The following SIPA1L2 variants were observed in gnomAD, a reference collection of about 807,000 sequenced individuals.
The protein encoded by SIPA1L2 is signal-induced proliferation-associated 1-like protein 2.
SIPA1L2 carries 56 observed loss-of-function variants against 163.9 expected under a neutral mutation model. The observed-to-expected ratio is 0.34, with a 90% confidence interval of 0.28 to 0.43. The LOEUF (loss-of-function observed/expected upper bound fraction) is 0.43, where lower values mean the gene tolerates loss of function less well. SIPA1L2 is among the 20% of genes least tolerant of loss of function. SIPA1L2 has a pLI of 1.00. For missense variants in SIPA1L2, 1,974 were observed against 2,193.5 expected (o/e 0.90, Z 2.00); for synonymous variants, 877 against 865.7 (o/e 1.01, Z -0.23).
intron 7 of SIPA1L2, among the ~76,000 whole-genome samples, chr1:232,477,666 T>C (rs1450514417): frequency 6.6e-6 from 1 of 152,228 alleles, no homozygotes; most frequent in Non-Finnish European, 1.5e-5. Flanking sequence ...TTTGCTGTCC[T>C]GATTTTTGCG....
chr1:232,424,632 A>G (rs1661780776), intron 18 of SIPA1L2, among the ~76,000 whole-genome samples: 1 of 152,192 alleles, frequency 6.6e-6, no homozygotes, highest in African/African-American at 2.4e-5. Flanking sequence ...TCTTCAATTT[A>G]GGTAAATGGA....
At chr1:232,400,897 C>T (rs777762128) in intron 22 of SIPA1L2, among the ~76,000 whole-genome samples, 4 of 152,120 alleles carry the variant, frequency 2.6e-5, no homozygotes, top group Non-Finnish European at 5.9e-5. Flanking sequence ...ACTTCTTGAC[C>T]ACCACCTCCA....
intron 3 of SIPA1L2, among the ~76,000 whole-genome samples, chr1:232,499,987 T>C (rs1205020054): frequency 1.3e-5 from 2 of 152,218 alleles, no homozygotes; most frequent in East Asian, 3.9e-4. Context: ...ACTGACTTTT[T>C]TTTTTTTTGA....
intron 2 of SIPA1L2, among the ~76,000 whole-genome samples, chr1:232,535,200 C>A (rs1657226075): frequency 6.6e-6 from 1 of 152,136 alleles, no homozygotes; most frequent in Admixed American, 6.5e-5. Flanking sequence ...GGTTCCCAGT[C>A]TGCCAGAGAA....
At chr1:232,618,260 G>A (rs750507846) in intron 1 of SIPA1L2, among the ~76,000 whole-genome samples, 8 of 152,216 alleles carry the variant, frequency 5.3e-5, no homozygotes, top group Non-Finnish European at 5.9e-5. Flanking sequence ...GGGAGCATCA[G>A]CAGCAAACGA....
Position 232,471,558 on chromosome 1 carries a change from T to C in SIPA1L2, c.2086-30A>G, listed in dbSNP as rs969622045. On this transcript the variant is annotated intron_variant, in intron 7 of 22. Coordinates refer to ENST00000674635, the MANE Select transcript of SIPA1L2 (RefSeq NM_020808.5). Reference sequence around the variant, plus strand: ...GGTCAAGAAAGTGAAGAGTTACAAATAAGTTTTTCTTTAAAACAAAATATA... The same window carrying C: ...GGTCAAGAAAGTGAAGAGTTACAAACAAGTTTTTCTTTAAAACAAAATATA... 3 of 1,562,076 alleles carry C rather than the reference T, an allele frequency of 1.9e-6. No homozygotes were observed. In the African/African-American group the frequency reaches 4.2e-5, roughly 22 times the overall value.
At chr1:232,589,465 T>G (rs1182374551) in intron 1 of SIPA1L2, among the ~76,000 whole-genome samples, 1 of 152,250 alleles carries the variant, frequency 6.6e-6, no homozygotes, top group African/African-American at 2.4e-5. Context: ...TTCTGCCAAT[T>G]AATTACCATA....
At position 232,466,905 on chromosome 1, in the gene SIPA1L2, G is replaced by A. The variant is rs114077372; in HGVS notation, c.2244-1489C>T. Among the ~76,000 whole-genome samples, 118 of 152,344 alleles carry A rather than the reference G, an allele frequency of 7.7e-4. 1 individual carries two copies. Among genetic ancestry groups the A allele is most frequent in the Admixed American group, 2.5e-3 (39 of 15,308 alleles). Reference sequence around the variant, plus strand: ...TTGAGAGCACCCCAATTACTGAGTAGCTACCACAGACCAAGAATCTGTATT... The same window carrying A: ...TTGAGAGCACCCCAATTACTGAGTAACTACCACAGACCAAGAATCTGTATT... On this transcript the variant is annotated intron_variant, in intron 8 of 22. Transcript: ENST00000674635.
intron 2 of SIPA1L2, among the ~76,000 whole-genome samples, chr1:232,517,271 T>C (rs1032298758): frequency 1.3e-5 from 2 of 152,196 alleles, no homozygotes; most frequent in Non-Finnish European, 2.9e-5. Context: ...CCTACCTTCC[T>C]TTCTTTTCCG....
chr1:232,507,189 T>TC (rs397983221), intron 3 of SIPA1L2, among the ~76,000 whole-genome samples: 8 of 151,832 alleles, frequency 5.3e-5, no homozygotes, highest in South Asian at 2.1e-4. Flanking sequence ...TTTTTTTTTT[T>TC]CTCCGACTTT....
At chr1:232,615,280 C>G (rs1292862213) in intron 1 of SIPA1L2, among the ~76,000 whole-genome samples, 1 of 152,218 alleles carries the variant, frequency 6.6e-6, no homozygotes, top group Non-Finnish European at 1.5e-5. Flanking sequence ...AAAGTGGCCA[C>G]TAAAATCGAT....
chr1:232,438,730 T>G (rs1288374346), intron 15 of SIPA1L2, among the ~76,000 whole-genome samples: 5 of 152,256 alleles, frequency 3.3e-5, no homozygotes, highest in African/African-American at 1.2e-4. Flanking sequence ...TCTACGCACA[T>G]GCTGCCTTCA....
At chr1:232,625,239 G>A (rs976326633) in intron 1 of SIPA1L2, among the ~76,000 whole-genome samples, 7 of 152,246 alleles carry the variant, frequency 4.6e-5, no homozygotes, top group Middle Eastern at 3.4e-3. Context: ...TGTAAGCCTC[G>A]AGGGAAGCTT....
chr1:232,445,174 T>G (rs1357619031), intron 11 of SIPA1L2, among the ~76,000 whole-genome samples: 1 of 152,254 alleles, frequency 6.6e-6, no homozygotes, highest in Non-Finnish European at 1.5e-5. Flanking sequence ...TTGTTCAGTT[T>G]TATTTATGCT....
At chr1:232,469,369 G>T (rs138172000) in intron 8 of SIPA1L2, among the ~76,000 whole-genome samples, 15 of 152,306 alleles carry the variant, frequency 9.8e-5, no homozygotes, top group African/African-American at 3.4e-4. Context: ...AGTATCACAT[G>T]AAACAGACCA....
intron 1 of SIPA1L2, among the ~76,000 whole-genome samples, chr1:232,577,330 T>C (rs61428372): frequency 1.3e-5 from 2 of 152,320 alleles, no homozygotes; most frequent in East Asian, 3.9e-4. Flanking sequence ...TTTCAAAATG[T>C]TACTGCTCAT....
At chr1:232,471,034 A>C (rs1301283168) in intron 8 of SIPA1L2, among the ~76,000 whole-genome samples, 2 of 152,158 alleles carry the variant, frequency 1.3e-5, no homozygotes, top group African/African-American at 4.8e-5. Context: ...ATGAAAAGAA[A>C]TGTTTTACTG....
intron 7 of SIPA1L2, among the ~76,000 whole-genome samples, chr1:232,479,255 A>G (rs1665198016): frequency 1.3e-5 from 2 of 152,184 alleles, no homozygotes; most frequent in Admixed American, 1.3e-4. Flanking sequence ...AAATAGCACC[A>G]GTAACAACTG....
intron 10 of SIPA1L2, among the ~76,000 whole-genome samples, chr1:232,457,842 T>C (rs1231266691): frequency 1.3e-5 from 2 of 152,198 alleles, no homozygotes; most frequent in Non-Finnish European, 2.9e-5. Context: ...AGCAAAGGGC[T>C]GGTATTGCAA....
Sources: gnomAD v4.1 joint callset for allele counts (sites outside exome capture counted in the v4.1 genomes callset) on GRCh38, gnomAD v4.1.1 for gene constraint, MANE v1.5 for transcripts, NCBI Gene and HGNC (gene_info 2026-07-23, HGNC 2026-07-21) for gene names.